PCDH9: variants seen among roughly 807,000 people sequenced by gnomAD.
The protein encoded by PCDH9 is protocadherin-9.
In PCDH9, 24 loss-of-function variants were observed where a neutral mutation model predicts 70.6. The observed-to-expected ratio is 0.34, with a 90% CI of 0.25 to 0.48. PCDH9 has a LOEUF of 0.48. Ranked by LOEUF, PCDH9 falls within the 20% of genes least tolerant of loss-of-function variation. The pLI is 0.99. For synonymous variants in PCDH9, 562 were observed against 558.5 expected (o/e 1.01, Z -0.09); for missense variants, 1,281 against 1,503.6 (o/e 0.85, Z 2.45).
intron 2 of PCDH9, among the ~76,000 whole-genome samples, chr13:67,067,371 T>C (rs557637326): frequency 6.6e-5 from 10 of 152,230 alleles, no homozygotes; most frequent in Non-Finnish European, 1.2e-4. Context: ...AATTGTATCA[T>C]TTTGATATGT....
intron 4 of PCDH9, among the ~76,000 whole-genome samples, chr13:66,563,400 A>G (rs994285094): frequency 1.3e-5 from 2 of 152,146 alleles, no homozygotes; most frequent in Non-Finnish European, 2.9e-5. Flanking sequence ...CTTGATTGCT[A>G]CTACTTCAGT....
At chr13:67,052,616 G>C (rs2085343575) in intron 2 of PCDH9, among the ~76,000 whole-genome samples, 1 of 152,070 alleles carries the variant, frequency 6.6e-6, no homozygotes, top group South Asian at 2.1e-4. Flanking sequence ...GTGCACACAA[G>C]AAGAAGGTAG....
chr13:66,327,554 C>CT (rs952007889), intron 4 of PCDH9, among the ~76,000 whole-genome samples: 41 of 152,248 alleles, frequency 2.7e-4, no homozygotes, highest in Admixed American at 9.8e-4. Context: ...AAAATAAGCA[C>CT]TATGTAAGTA....
chr13:66,918,834 C>G (rs939278476), intron 2 of PCDH9, among the ~76,000 whole-genome samples: 1 of 151,140 alleles, frequency 6.6e-6, no homozygotes, highest in South Asian at 2.1e-4. Flanking sequence ...TAATTGAACT[C>G]TTACTTGTGC....
chr13:66,427,710 T>C (rs1042508803), intron 4 of PCDH9, among the ~76,000 whole-genome samples: 5 of 151,680 alleles, frequency 3.3e-5, no homozygotes, highest in Non-Finnish European at 7.4e-5. Flanking sequence ...TAATTGAAAG[T>C]AGGCTAAAGT....
At chr13:66,628,940 A>G (rs1295296603) in intron 4 of PCDH9, among the ~76,000 whole-genome samples, 1 of 152,224 alleles carries the variant, frequency 6.6e-6, no homozygotes, top group Non-Finnish European at 1.5e-5. Flanking sequence ...TTAAATTTGA[A>G]AAGCTGCCTT....
At chr13:66,846,880 A>C (rs1263165043) in intron 3 of PCDH9, among the ~76,000 whole-genome samples, 1 of 91,052 alleles carries the variant, frequency 1.1e-5, no homozygotes, top group Non-Finnish European at 2.3e-5. Flanking sequence ...TCCCTTTCTC[A>C]TAATACACAC....
At chr13:66,773,535 C>T (rs558202327) in intron 3 of PCDH9, among the ~76,000 whole-genome samples, 2 of 151,280 alleles carry the variant, frequency 1.3e-5, no homozygotes, top group Non-Finnish European at 2.9e-5. Context: ...GAGGTTGAGG[C>T]AGGAGAATGG....
chr13:67,024,535 G>A (rs2084741706), intron 2 of PCDH9, among the ~76,000 whole-genome samples: 2 of 152,052 alleles, frequency 1.3e-5, no homozygotes, highest in East Asian at 3.9e-4. Flanking sequence ...TTATGCTGTT[G>A]AGGTTTTTTT....
chr13:66,793,955 C>T (rs534481813), intron 3 of PCDH9, among the ~76,000 whole-genome samples: 1 of 152,162 alleles, frequency 6.6e-6, no homozygotes, highest in South Asian at 2.1e-4. Flanking sequence ...CTGTTGGCCA[C>T]ATGAATCTCT....
intron 4 of PCDH9, among the ~76,000 whole-genome samples, chr13:66,605,010 G>A (rs904141840): frequency 6.6e-6 from 1 of 151,956 alleles, no homozygotes; most frequent in African/African-American, 2.4e-5. Context: ...TGAGACATCA[G>A]AATCATTGAG....
At chr13:66,848,219 G>C (rs2081246683) in intron 3 of PCDH9, among the ~76,000 whole-genome samples, 1 of 152,120 alleles carries the variant, frequency 6.6e-6, no homozygotes, top group Admixed American at 6.5e-5. Context: ...AAAGTATTAA[G>C]CTTAATAAAA....
chr13:67,123,836 C>A (rs2086922541), intron 2 of PCDH9, among the ~76,000 whole-genome samples: 1 of 151,594 alleles, frequency 6.6e-6, no homozygotes, highest in Admixed American at 6.6e-5. Flanking sequence ...CACCTTGTCA[C>A]AGTAGATTAT....
At chr13:66,707,458 T>TC (rs1566518452) in intron 3 of PCDH9, among the ~76,000 whole-genome samples, 4 of 152,212 alleles carry the variant, frequency 2.6e-5, no homozygotes, top group Admixed American at 6.5e-5. Context: ...GAACTTGTCT[T>TC]ATCTTAGGCA....
chr13:66,941,858 T>C (rs1048694957), intron 2 of PCDH9, among the ~76,000 whole-genome samples: 2 of 151,872 alleles, frequency 1.3e-5, no homozygotes, highest in Non-Finnish European at 3.0e-5. Flanking sequence ...GGCCCAAAAA[T>C]AGCAGAATGT....
intron 2 of PCDH9, among the ~76,000 whole-genome samples, chr13:67,124,772 G>C (rs2086943792): frequency 6.6e-6 from 1 of 152,166 alleles, no homozygotes; most frequent in African/African-American, 2.4e-5. Context: ...GAGGAGACAG[G>C]AAAACAAAGG....
rs149665966 is a variant in PCDH9, at chr13:66,924,947, G to A, written c.3037-21342C>T. On this transcript the variant is annotated intron_variant, in intron 2 of 4. Transcript: ENST00000377865. ...ATACTTTTCAATACCGACAAAGTAC[G>A]ATGAATGTATAAATGAATGACACAA... 5.5e-3 allele frequency among the ~76,000 whole-genome samples: 836 copies of A among 151,770 alleles called. 8 individuals are homozygous for A. The highest frequency in any genetic ancestry group is 0.019 in the African/African-American group (772 of 41,476).
intron 2 of PCDH9, among the ~76,000 whole-genome samples, chr13:67,144,999 C>T (rs1017883963): frequency 2.0e-5 from 3 of 152,018 alleles, no homozygotes; most frequent in African/African-American, 7.2e-5. Context: ...TTACAAGTAC[C>T]TCTGTGGACT....
chr13:66,562,466 C>T (rs2076587515), intron 4 of PCDH9, among the ~76,000 whole-genome samples: 1 of 152,156 alleles, frequency 6.6e-6, no homozygotes, highest in Non-Finnish European at 1.5e-5. Context: ...ACTCACAGTT[C>T]CGCATGGCTG....
Sources: allele counts gnomAD v4.1 joint callset (sites outside exome capture counted in the v4.1 genomes callset), GRCh38; gene constraint gnomAD v4.1.1; transcripts MANE v1.5; gene names NCBI Gene and HGNC (gene_info 2026-07-23, HGNC 2026-07-21).